Variants in AGBL4 observed in about 807,000 individuals in gnomAD.
The protein encoded by AGBL4 is cytosolic carboxypeptidase 6.
AGBL4 carries 58 observed loss-of-function variants against 66.4 expected under a neutral mutation model. The observed-to-expected ratio is 0.87, with a 90% confidence interval of 0.71 to 1.09. The LOEUF is 1.09. Ranked by LOEUF, AGBL4 falls within the 50% of genes least tolerant of loss-of-function variation. The pLI is 0.00. For synonymous variants in AGBL4, 234 were observed against 222.9 expected (o/e 1.05, Z -0.44); for missense variants, 579 against 631.0 (o/e 0.92, Z 0.88).
At chr1:49,803,846 A>G (rs1644917125) in intron 2 of AGBL4, among the ~76,000 whole-genome samples, 1 of 152,212 alleles carries the variant, frequency 6.6e-6, no homozygotes, top group Admixed American at 6.5e-5. Context: ...TCTGATGTCA[A>G]TGAAAATATT....
In AGBL4 at chr1:49,371,817, C is replaced by CTGTG. The variant is rs55882947; in HGVS notation, c.283-125957_283-125954dup. ...GTCAGAGCCAGTGACTTTTCAAACT[C>CTGTG]TGTGTGTGTGTGTGTGTGTGTGTGT... On this transcript the variant is annotated intron_variant, in intron 3 of 13. Coordinates refer to ENST00000371839, the MANE Select transcript of AGBL4 (RefSeq NM_032785.4). Among the ~76,000 whole-genome samples, 1,211 of 140,022 alleles carry CTGTG rather than the reference C, an allele frequency of 8.6e-3. 5 individuals carry two copies. Among genetic ancestry groups the CTGTG allele is most frequent in the South Asian group, 0.019 (77 of 4,042 alleles). 91.9% of individuals were successfully genotyped at this position (140,022 alleles called of 152,430 possible). A position where few individuals can be genotyped will look rare whatever the true frequency, so the allele number is the denominator to read the frequency against.
intron 5 of AGBL4, among the ~76,000 whole-genome samples, chr1:48,905,830 C>T (rs1165100085): frequency 6.6e-6 from 1 of 152,134 alleles, no homozygotes; most frequent in Non-Finnish European, 1.5e-5. Flanking sequence ...TTACCCAGGC[C>T]CTCTAGCTTT....
At chr1:49,040,802 T>A (rs1358673495) in intron 5 of AGBL4, among the ~76,000 whole-genome samples, 9 of 152,198 alleles carry the variant, frequency 5.9e-5, no homozygotes, top group Non-Finnish European at 8.8e-5. Flanking sequence ...ACAAGGGAAC[T>A]TTTTGAGATG....
intron 6 of AGBL4, among the ~76,000 whole-genome samples, chr1:48,750,438 C>T (rs1465117283): frequency 6.6e-6 from 1 of 152,130 alleles, no homozygotes; most frequent in East Asian, 1.9e-4. Flanking sequence ...GAGATAGTTC[C>T]TTAACTTGGG....
intron 3 of AGBL4, among the ~76,000 whole-genome samples, chr1:49,260,435 A>G (rs896872693): frequency 2.6e-4 from 40 of 152,180 alleles, no homozygotes; most frequent in Admixed American, 2.4e-3. Context: ...AAGAAAAGAG[A>G]GAAGAATCAA....
intron 5 of AGBL4, among the ~76,000 whole-genome samples, chr1:48,972,869 G>C (rs570481297): frequency 6.6e-6 from 1 of 152,132 alleles, no homozygotes; most frequent in Non-Finnish European, 1.5e-5. Context: ...TGTTTGTTAC[G>C]CAGTAAGGGC....
At chr1:49,499,740 T>TAC (rs1002528442) in intron 3 of AGBL4, among the ~76,000 whole-genome samples, 17 of 151,048 alleles carry the variant, frequency 1.1e-4, no homozygotes, top group Middle Eastern at 3.4e-3. Context: ...TATATATATA[T>TAC]ACACACATAT....
At chr1:49,258,483 C>A (rs1168684669) in intron 3 of AGBL4, among the ~76,000 whole-genome samples, 1 of 152,002 alleles carries the variant, frequency 6.6e-6, no homozygotes, top group African/African-American at 2.4e-5. Flanking sequence ...AGCTGAAAGC[C>A]AAGGCTCGAG....
chr1:49,260,510 T>G (rs1236508072), intron 3 of AGBL4, among the ~76,000 whole-genome samples: 8 of 151,970 alleles, frequency 5.3e-5, no homozygotes, highest in Non-Finnish European at 8.8e-5. Context: ...CAAACTACCA[T>G]CAGAGAATAC....
chr1:49,145,119 T>A (rs940294387), intron 4 of AGBL4, among the ~76,000 whole-genome samples: 1 of 152,158 alleles, frequency 6.6e-6, no homozygotes, highest in African/African-American at 2.4e-5. Flanking sequence ...GAGGAACTAT[T>A]TTTAGAAAAT....
chr1:49,521,165 C>G (rs1650232516), intron 3 of AGBL4, among the ~76,000 whole-genome samples: 1 of 151,922 alleles, frequency 6.6e-6, no homozygotes. Flanking sequence ...TTTACAATTG[C>G]CATCAAGAAA....
chr1:49,536,197 A>G (rs1392936849), intron 3 of AGBL4, among the ~76,000 whole-genome samples: 1 of 152,102 alleles, frequency 6.6e-6, no homozygotes, highest in African/African-American at 2.4e-5. Flanking sequence ...AATAACAAAG[A>G]AAAAGAACAA....
intron 5 of AGBL4, among the ~76,000 whole-genome samples, chr1:48,938,354 T>C (rs1457653184): frequency 6.6e-6 from 1 of 152,180 alleles, no homozygotes; most frequent in Non-Finnish European, 1.5e-5. Flanking sequence ...AGTTATACCC[T>C]AATGAAAGAG....
chr1:48,561,487 T>C (rs558519273), intron 11 of AGBL4, among the ~76,000 whole-genome samples: 1 of 152,326 alleles, frequency 6.6e-6, no homozygotes, highest in East Asian at 1.9e-4. Flanking sequence ...AATTAACCCA[T>C]GTGATGGTTC....
intron 9 of AGBL4, among the ~76,000 whole-genome samples, chr1:48,600,554 A>G (rs1296776600): frequency 6.6e-6 from 1 of 152,218 alleles, no homozygotes; most frequent in Non-Finnish European, 1.5e-5. Context: ...ATATTTATGC[A>G]GTACTTCTTA....
At chr1:49,430,021 A>G (rs1048452368) in intron 3 of AGBL4, among the ~76,000 whole-genome samples, 2 of 151,584 alleles carry the variant, frequency 1.3e-5, no homozygotes, top group East Asian at 1.9e-4. Flanking sequence ...ATGTTTTTGT[A>G]TTTTTTGTAA....
chr1:48,710,991 T>C (rs1234172936), intron 6 of AGBL4, among the ~76,000 whole-genome samples: 1 of 152,166 alleles, frequency 6.6e-6, no homozygotes, highest in Admixed American at 6.5e-5. Context: ...TCTCCATCTC[T>C]CCTCTTTGGG....
At chr1:49,487,466 T>G (rs954615452) in intron 3 of AGBL4, among the ~76,000 whole-genome samples, 2 of 151,946 alleles carry the variant, frequency 1.3e-5, no homozygotes, top group African/African-American at 4.8e-5. Context: ...TCCCCCATGC[T>G]GTTCTCCTCA....
intron 4 of AGBL4, among the ~76,000 whole-genome samples, chr1:49,072,466 G>A (rs1303753439): frequency 1.3e-5 from 2 of 152,104 alleles, no homozygotes; most frequent in African/African-American, 2.4e-5. Flanking sequence ...GCATTTGCTT[G>A]TCTGTAAAGG....
Sources: gnomAD v4.1 joint callset for allele counts (sites outside exome capture counted in the v4.1 genomes callset) on GRCh38, gnomAD v4.1.1 for gene constraint, MANE v1.5 for transcripts, NCBI Gene and HGNC (gene_info 2026-07-23, HGNC 2026-07-21) for gene names.